XRCC3: variants seen among roughly 807,000 people sequenced by gnomAD.
XRCC3 encodes DNA repair protein XRCC3.
XRCC3 carries 34 observed loss-of-function variants against 29.2 expected under a neutral mutation model. The ratio of observed to expected loss-of-function variants is 1.16; its 90% CI spans 0.88 to 1.55. XRCC3 has a LOEUF of 1.55. Ranked by LOEUF, XRCC3 falls within the 40% of genes most tolerant of loss-of-function variation. The probability of loss-of-function intolerance (pLI) is 0.00; values close to 1 mark genes in which losing one functional copy is unlikely to be tolerated. For missense variants in XRCC3, 463 were observed against 467.6 expected (o/e 0.99, Z 0.09); for synonymous variants, 223 against 211.3 (o/e 1.06, Z -0.48).
intron 1 of XRCC3, among the ~76,000 whole-genome samples, 195 bp downstream of exon 1, chr14:103,715,229 G>A (rs1196638531): frequency 1.3e-5 from 2 of 151,984 alleles, no homozygotes; most frequent in African/African-American, 4.8e-5. Context: ...CGCTACCCGA[G>A]CTGCGGCGGG....
chr14:103,711,453 C>T lies in XRCC3; in HGVS notation c.-159+13G>A. On this transcript the variant is annotated intron_variant, in intron 3 of 9. Coordinates refer to ENST00000555055, the MANE Select transcript of XRCC3 (RefSeq NM_005432.4). ...CATCCTCCTGCAGCAGTTGAGTGCC[C>T]TGCCCGACTCACCTCTCTGGGGCTT... 1 of 498,714 alleles carries T rather than the reference C, an allele frequency of 2.0e-6. No individual in the cohort carries two copies. The highest frequency in any genetic ancestry group is 1.5e-5 in the South Asian group (1 of 64,980). The allele number at this position is 498,714 out of a possible 1,614,324, so 30.9% of individuals were successfully genotyped here. A position where few individuals can be genotyped will look rare whatever the true frequency, so the allele number is the denominator to read the frequency against.
At chr14:103,714,546 G>A (rs905152036) in intron 1 of XRCC3, among the ~76,000 whole-genome samples, 4 of 151,950 alleles carry the variant, frequency 2.6e-5, no homozygotes, top group African/African-American at 4.8e-5. Context: ...CTGGGAGGTC[G>A]AGGTTGTGCC....
At chr14:103,699,315 C>A in intron 8 of XRCC3, 49 bp downstream of exon 8, 1 of 1,556,704 alleles carries the variant, frequency 6.4e-7, no homozygotes, top group Non-Finnish European at 8.7e-7. Context: ...GCTTCCGCAT[C>A]CTGGCTAAAA....
chr14:103,708,195 G>A (rs1489161099), intron 5 of XRCC3: 2 of 414,546 alleles, frequency 4.8e-6, no homozygotes, highest in Admixed American at 3.6e-5. Flanking sequence ...ATCTCACACC[G>A]TTCCCACCCT....
At chr14:103,699,700 C>T in intron 7 of XRCC3, 124 bp from the exon 8 acceptor site, 1 of 893,558 alleles carries the variant, frequency 1.1e-6, no homozygotes, top group South Asian at 1.4e-5. Context: ...TCACAGTGCC[C>T]ATACTCTGTA....
Position 103,699,166 on chromosome 14 carries a change from A to G in XRCC3, c.788T>C (p.Met263Thr). ...VLCINQVTEA[M>T]EEQGAAHGPL... ...CCCGTGTGCTGCGCCCTGCTCCTCC[A>G]TGGCCTCTGTCACCTGGAAGAGCAC... The change falls in exon 9 of 10, where the codon ATG (methionine) becomes ACG (threonine). Residue 263 changes from methionine to threonine, a missense_variant. Physicochemically the swap from Met to Thr is moderately conservative, Grantham distance 81. Coordinates refer to ENST00000555055, the MANE Select transcript of XRCC3 (RefSeq NM_005432.4). 1 of 1,567,808 alleles carries G rather than the reference A, an allele frequency of 6.4e-7. No homozygotes were observed. The highest frequency in any genetic ancestry group is 1.2e-5 in the South Asian group (1 of 86,624).
chr14:103,700,754 G>A (rs4624101), intron 7 of XRCC3: 4 of 1,541,388 alleles, frequency 2.6e-6, no homozygotes, highest in South Asian at 1.2e-5. Context: ...GCAGCCCCAG[G>A]AAGCAGGCAG....
In XRCC3 at chr14:103,697,963, G is replaced by A. The variant is rs752549180; in HGVS notation, c.*835C>T. The A allele has an allele frequency of 1.8e-4, 27 of 152,464 alleles. No homozygotes were observed. The highest frequency in any genetic ancestry group is 2.1e-4 in the South Asian group (1 of 4,828). The allele number at this position is 152,464 out of a possible 1,614,324, so 9.4% of individuals were successfully genotyped here. ...CAGCCAGGCCAGGGCTGAGCTGGAC[G>A]CCCAGACCCCCAGGGCCAGGATACA... is the stretch of plus-strand genomic sequence containing the variant. On this transcript the variant is annotated 3_prime_UTR_variant, in exon 10 of 10. Transcript: ENST00000555055.
intron 5 of XRCC3, 98 bp from the exon 6 acceptor site, chr14:103,707,313 G>A: frequency 6.9e-7 from 1 of 1,446,828 alleles, no homozygotes; most frequent in South Asian, 1.2e-5. Context: ...GCCAGGTGCA[G>A]TGTGGCTGGA....
Position 103,698,895 on chromosome 14 carries a change from A to G in XRCC3, c.944T>C (p.Leu315Pro). Residue 315 changes from leucine to proline, a missense_variant, in exon 10 of 10, where the codon CTG (leucine) becomes CCG (proline). By Grantham distance (98) the Leu-to-Pro change is moderately conservative. Coordinates refer to ENST00000555055, the MANE Select transcript of XRCC3 (RefSeq NM_005432.4). Reference sequence around the variant, plus strand: ...CAGGTGGGGGGCAGAGAGCACCCGCAGGGTCCGGGCTGGGCAGCCGAGGGC... The same window carrying G: ...CAGGTGGGGGGCAGAGAGCACCCGCGGGGTCCGGGCTGGGCAGCCGAGGGC... ...EAALGCPART[L>P]RVLSAPHLPP... The G allele has an allele frequency of 1.2e-6, 2 of 1,603,328 alleles. No homozygotes were observed. Among genetic ancestry groups the G allele is most frequent in the Non-Finnish European group, 1.7e-6 (2 of 1,175,486 alleles).
chr14:103,702,886 CCA>C (rs2083281245), intron 7 of XRCC3: 1 of 469,256 alleles, frequency 2.1e-6, no homozygotes, highest in Non-Finnish European at 3.9e-6. Flanking sequence ...GGTCCATCCT[CCA>C]CAGTCCCCAG....
chr14:103,709,958 C>G (rs951510607), intron 4 of XRCC3: 9 of 152,294 alleles, frequency 5.9e-5, no homozygotes, highest in African/African-American at 2.2e-4. Flanking sequence ...TGCCCTGTCA[C>G]CAGGCTGCTG....
Position 103,708,646 on chromosome 14 carries a change from C to T in XRCC3, c.69G>A (p.Ser23=), listed in dbSNP as rs776001514. 12 of 1,614,016 alleles carry T rather than the reference C, an allele frequency of 7.4e-6. No individual in the cohort carries two copies. The highest frequency in any genetic ancestry group is 3.3e-5 in the Admixed American group (2 of 60,000). ...IAAIKKAKLK[S]VKEVLHFSGP... ...CAGAAAAGTGTAAAACCTCCTTTAC[C>T]GATTTCAGTTTGGCTGAAATAACAC... is the stretch of plus-strand genomic sequence containing the variant. The change falls in exon 5 of 10, where the codon TCG becomes TCA. Residue 23 remains serine, a synonymous_variant. Coordinates refer to ENST00000555055, the MANE Select transcript of XRCC3 (RefSeq NM_005432.4).
At chr14:103,711,762 G>A (rs758014035) in intron 2 of XRCC3, 195 bp from the exon 3 acceptor site, 1 of 454,584 alleles carries the variant, frequency 2.2e-6, no homozygotes, top group South Asian at 1.6e-5. Context: ...CAAGGGAGAA[G>A]CTCAGCTCTT....
intron 4 of XRCC3, chr14:103,709,810 A>T (rs1460460717): frequency 6.6e-6 from 1 of 152,016 alleles, no homozygotes; most frequent in Non-Finnish European, 1.5e-5. Flanking sequence ...TGAGAAAGGA[A>T]CTCCCTGGCT....
chr14:103,702,411 G>A (rs2083255432), intron 7 of XRCC3: 1 of 152,460 alleles, frequency 6.6e-6, no homozygotes, highest in Admixed American at 6.5e-5. Flanking sequence ...TATCTCACCA[G>A]GGCAGCAGCC....
intron 4 of XRCC3, chr14:103,709,441 C>G (rs1010186617): frequency 3.2e-5 from 5 of 154,920 alleles, no homozygotes; most frequent in African/African-American, 1.2e-4. Flanking sequence ...CGGGGACTTA[C>G]ACCCACCACA....
Position 103,711,162 on chromosome 14 carries a change from C to G in XRCC3, c.-75G>C. 6.5e-7 allele frequency: 1 copy of G among 1,547,976 alleles called. No individual in the cohort carries two copies. The highest frequency in any genetic ancestry group is 1.1e-5 in the South Asian group (1 of 89,382). On this transcript the variant is annotated 5_prime_UTR_variant, in exon 4 of 10. Coordinates refer to ENST00000555055, the MANE Select transcript of XRCC3 (RefSeq NM_005432.4). ...AACAATGGATGCAAATTCTGAGGCA[C>G]TCGCCTTCAATTCAAAGCCTGTGGG... is the stretch of plus-strand genomic sequence containing the variant.
At chr14:103,711,724 G>C in intron 2 of XRCC3, 157 bp from the exon 3 acceptor site, 1 of 456,164 alleles carries the variant, frequency 2.2e-6, no homozygotes, top group Non-Finnish European at 4.4e-6. Context: ...GGAGCTGGCA[G>C]CCATTCCACA....
Sources: allele counts gnomAD v4.1 joint callset (sites outside exome capture counted in the v4.1 genomes callset), GRCh38; gene constraint gnomAD v4.1.1; transcripts MANE v1.5; gene names NCBI Gene and HGNC (gene_info 2026-07-23, HGNC 2026-07-21).